The following TAF3 variants were observed in gnomAD, a reference collection of about 807,000 sequenced individuals.
The protein encoded by TAF3 is TATA-box binding protein associated factor 3, also known as transcription initiation factor TFIID subunit 3.
A neutral mutation model predicts 80.6 loss-of-function variants in TAF3; 7 were observed. The observed-to-expected ratio is 0.09, with a 90% CI of 0.05 to 0.16. The LOEUF (loss-of-function observed/expected upper bound fraction) is 0.16, where lower values mean the gene tolerates loss of function less well. Among genes scored for constraint, TAF3 ranks in the 10% least tolerant of loss-of-function variants. The pLI is 1.00. For missense variants in TAF3, 921 were observed against 1,140.2 expected, an observed-to-expected ratio of 0.81 and a Z score of 2.77; for synonymous variants, 444 against 446.1, an observed-to-expected ratio of 1.00 and a Z score of 0.06.
chr10:7,978,007 A>G (rs1385128216), intron 4 of TAF3, among the ~76,000 whole-genome samples: 1 of 152,200 alleles, frequency 6.6e-6, no homozygotes, highest in East Asian at 1.9e-4. Context: ...CCTGATCCTA[A>G]TAAGATAATG....
intron 4 of TAF3, among the ~76,000 whole-genome samples, chr10:7,989,895 T>G (rs572777259): frequency 1.1e-4 from 17 of 152,240 alleles, no homozygotes; most frequent in Non-Finnish European, 2.5e-4. Context: ...GGCTGTGATA[T>G]CATATACTTA....
intron 4 of TAF3, among the ~76,000 whole-genome samples, chr10:8,000,265 C>T (rs1292624391): frequency 6.6e-6 from 1 of 151,834 alleles, no homozygotes. Flanking sequence ...TACAGGCATG[C>T]ACCACCACGC....
At chr10:8,008,330 C>T (rs1411967085) in intron 4 of TAF3, among the ~76,000 whole-genome samples, 1 of 152,028 alleles carries the variant, frequency 6.6e-6, no homozygotes, top group Non-Finnish European at 1.5e-5. Context: ...AACTCTCGAC[C>T]TCAGGTAATC....
At chr10:7,865,428 G>A (rs561260784) in intron 2 of TAF3, among the ~76,000 whole-genome samples, 19 of 152,220 alleles carry the variant, frequency 1.2e-4, no homozygotes, top group Admixed American at 9.2e-4. Context: ...GCAGTGAGCC[G>A]AGATCGCGCC....
At chr10:7,872,213 A>ATTTTTTTTTTTTTTTTTTT (rs34945620) in intron 2 of TAF3, among the ~76,000 whole-genome samples, 4 of 121,972 alleles carry the variant, frequency 3.3e-5, no homozygotes, top group Non-Finnish European at 3.3e-5. Flanking sequence ...TGTTGGGTTG[A>ATTTTTTTTTTTTTTTTTTT]TTTTTTTTTT....
intron 2 of TAF3, among the ~76,000 whole-genome samples, chr10:7,877,308 T>C (rs1443137634): frequency 6.6e-6 from 1 of 152,104 alleles, no homozygotes; most frequent in Non-Finnish European, 1.5e-5. Context: ...GCAAGAATGG[T>C]GGTATGGAAA....
intron 2 of TAF3, among the ~76,000 whole-genome samples, chr10:7,904,640 TAG>T (rs1282498383): frequency 6.6e-6 from 1 of 152,086 alleles, no homozygotes; most frequent in African/African-American, 2.4e-5. Context: ...AGGGGAAAGT[TAG>T]AATAAACAGG....
chr10:7,942,608 A>G (rs1216098571), intron 2 of TAF3, among the ~76,000 whole-genome samples: 1 of 152,188 alleles, frequency 6.6e-6, no homozygotes, highest in African/African-American at 2.4e-5. Flanking sequence ...GACATTGCTG[A>G]CTGAGAAAAT....
intron 2 of TAF3, among the ~76,000 whole-genome samples, chr10:7,939,595 C>T (rs1191774628): frequency 1.3e-5 from 2 of 151,122 alleles, no homozygotes; most frequent in African/African-American, 4.9e-5. Context: ...CACACACACA[C>T]ACACACACAC....
chr10:7,886,311 G>T lies in TAF3; in HGVS notation c.409+61751G>T, dbSNP rs1300123401. Among the ~76,000 whole-genome samples, 5 of 152,224 alleles carry T rather than the reference G, an allele frequency of 3.3e-5. No individual in the cohort carries two copies. In the East Asian group the frequency reaches 9.6e-4, roughly 29 times the overall value. ...TTTACCAAGTGTTTCATTCCCTTCT[G>T]AAGGACTGGCATGACCTGGTCCTTC... On this transcript the variant is annotated intron_variant, in intron 2 of 6. Transcript: ENST00000344293.
intron 2 of TAF3, among the ~76,000 whole-genome samples, chr10:7,873,466 A>G (rs988639157): frequency 5.3e-5 from 8 of 152,244 alleles, no homozygotes; most frequent in African/African-American, 1.9e-4. Flanking sequence ...CTGTCATGTA[A>G]TTTTAGAAAA....
chr10:8,012,595 A>AC (rs1207734858), intron 5 of TAF3, among the ~76,000 whole-genome samples: 1 of 152,192 alleles, frequency 6.6e-6, no homozygotes, highest in Non-Finnish European at 1.5e-5. Context: ...TGGCCTCTAG[A>AC]CAGCAGGTAC....
In TAF3 at chr10:7,930,236, A is replaced by G. The variant is rs575341851; in HGVS notation, c.410-33684A>G. Among the ~76,000 whole-genome samples, 12 of 152,312 alleles carry G rather than the reference A, an allele frequency of 7.9e-5. No homozygotes were observed. In the South Asian group the frequency reaches 2.5e-3, roughly 32 times the overall value. On this transcript the variant is annotated intron_variant, in intron 2 of 6. Coordinates refer to ENST00000344293, the MANE Select transcript of TAF3 (RefSeq NM_031923.4). Reference sequence around the variant, plus strand: ...AAAGATACAGCCTAAGAGAAATCCTAAAAGGCCAGCAGTTACATAAGCAAG... The same window carrying G: ...AAAGATACAGCCTAAGAGAAATCCTGAAAGGCCAGCAGTTACATAAGCAAG...
intron 1 of TAF3, among the ~76,000 whole-genome samples, chr10:7,820,154 C>T (rs752279607): frequency 4.6e-5 from 7 of 152,126 alleles, no homozygotes; most frequent in Non-Finnish European, 8.8e-5. Flanking sequence ...GTCCTTTGCC[C>T]GTGGCCCACC....
chr10:7,865,665 G>A (rs761165828), intron 2 of TAF3, among the ~76,000 whole-genome samples: 4 of 152,176 alleles, frequency 2.6e-5, no homozygotes, highest in African/African-American at 4.8e-5. Flanking sequence ...TAGCAACTAG[G>A]TTCATTCTTA....
chr10:7,901,226 A>G (rs1837555429), intron 2 of TAF3, among the ~76,000 whole-genome samples: 1 of 152,234 alleles, frequency 6.6e-6, no homozygotes, highest in Admixed American at 6.5e-5. Context: ...GATGAAGAAA[A>G]TACTTTAAAA....
At chr10:7,907,041 T>G (rs550073442) in intron 2 of TAF3, among the ~76,000 whole-genome samples, 2 of 152,228 alleles carry the variant, frequency 1.3e-5, no homozygotes, top group Admixed American at 1.3e-4. Context: ...TGTCATTGGG[T>G]GGACAGTGTT....
chr10:7,934,308 G>A (rs1162370925), intron 2 of TAF3, among the ~76,000 whole-genome samples: 1 of 152,138 alleles, frequency 6.6e-6, no homozygotes, highest in Non-Finnish European at 1.5e-5. Flanking sequence ...ATTGGCAGGA[G>A]TTTTTTCGTT....
At chr10:7,932,398 C>T (rs58909843) in intron 2 of TAF3, among the ~76,000 whole-genome samples, 25,560 of 151,888 alleles carry the variant, frequency 0.17, 2,363 homozygotes, top group East Asian at 0.3. Context: ...GCACACATGC[C>T]GGAAGTACTG....
Sources: allele counts gnomAD v4.1 joint callset (sites outside exome capture counted in the v4.1 genomes callset), GRCh38; gene constraint gnomAD v4.1.1; transcripts MANE v1.5; gene names NCBI Gene and HGNC (gene_info 2026-07-23, HGNC 2026-07-21).